The following ANGPT1 variants were observed in gnomAD, a reference collection of about 807,000 sequenced individuals.
The protein encoded by ANGPT1 is angiopoietin 1, also known as angiopoietin-1.
ANGPT1 carries 17 observed loss-of-function variants against 62.2 expected under a neutral mutation model. That is an observed-to-expected ratio of 0.27 (90% CI 0.19 to 0.41). The LOEUF is 0.41. ANGPT1 is among the 10% of genes least tolerant of loss of function. The probability of loss-of-function intolerance (pLI) is 1.00; values close to 1 mark genes in which losing one functional copy is unlikely to be tolerated. For synonymous variants in ANGPT1, 199 were observed against 198.9 expected (o/e 1.00, Z 0.00); for missense variants, 478 against 594.9 (o/e 0.80, Z 2.04).
rs145857720 is a variant in ANGPT1, at chr8:107,306,591, G to T, written c.809-3224C>A. Among the ~76,000 whole-genome samples, 336 of 152,222 alleles carry T rather than the reference G, an allele frequency of 2.2e-3. 1 individual carries two copies. Among genetic ancestry groups the T allele is most frequent in the East Asian group, 4.6e-3 (24 of 5,182 alleles). ...AGATATTATAAAACTGGACACCTAGGAAACATTCTAAAACCTAGAGAGACA... is the reference window on the plus strand; with the variant it reads ...AGATATTATAAAACTGGACACCTAGTAAACATTCTAAAACCTAGAGAGACA... On this transcript the variant is annotated intron_variant, in intron 4 of 8. Coordinates refer to ENST00000517746, the MANE Select transcript of ANGPT1 (RefSeq NM_001146.5).
At chr8:107,299,260 T>C (rs905347812) in intron 5 of ANGPT1, among the ~76,000 whole-genome samples, 5 of 151,042 alleles carry the variant, frequency 3.3e-5, no homozygotes, top group Middle Eastern at 3.4e-3. Context: ...TATCCTAGAA[T>C]TAGATTCCTT....
rs190299639 is a variant in ANGPT1 at position 107,470,169 on chromosome 8, A to G, written c.297+27093T>C. ...TATTTTGTTTTACAATAAATATTCA[A>G]TAAAATGATATAGTTCTGATTTCTT... On this transcript the variant is annotated intron_variant, in intron 1 of 8. Coordinates refer to ENST00000517746, the MANE Select transcript of ANGPT1 (RefSeq NM_001146.5). 4.7e-4 allele frequency among the ~76,000 whole-genome samples: 71 copies of G among 152,242 alleles called. 1 individual carries two copies. The highest frequency in any genetic ancestry group is 1.5e-3 in the African/African-American group (64 of 41,574).
chr8:107,382,146 T>A (rs1265704409), intron 1 of ANGPT1, among the ~76,000 whole-genome samples: 1 of 152,130 alleles, frequency 6.6e-6, no homozygotes, highest in Non-Finnish European at 1.5e-5. Flanking sequence ...ATTTAATATT[T>A]CAGATAGAAT....
chr8:107,321,565 T>C (rs914342476), intron 4 of ANGPT1, among the ~76,000 whole-genome samples: 39 of 152,182 alleles, frequency 2.6e-4, no homozygotes, highest in African/African-American at 8.7e-4. Context: ...ATCTCTGTCC[T>C]ATATATAGTT....
intron 1 of ANGPT1, among the ~76,000 whole-genome samples, chr8:107,353,778 G>A (rs1484179146): frequency 6.6e-6 from 1 of 152,182 alleles, no homozygotes; most frequent in African/African-American, 2.4e-5. Flanking sequence ...GGTACAAAGA[G>A]TTGAGTCTAG....
intron 3 of ANGPT1, among the ~76,000 whole-genome samples, chr8:107,332,723 G>T (rs1179719340): frequency 1.3e-5 from 2 of 152,114 alleles, no homozygotes; most frequent in Non-Finnish European, 2.9e-5. Flanking sequence ...CTCAAACCTG[G>T]TAAGTCCCAC....
At chr8:107,273,543 C>T (rs915641342) in intron 7 of ANGPT1, among the ~76,000 whole-genome samples, 1 of 151,976 alleles carries the variant, frequency 6.6e-6, no homozygotes, top group African/African-American at 2.4e-5. Flanking sequence ...AAGATGTCCT[C>T]TAAATACTTG....
At chr8:107,466,420 A>T (rs1812199687) in intron 1 of ANGPT1, among the ~76,000 whole-genome samples, 2 of 152,030 alleles carry the variant, frequency 1.3e-5, no homozygotes, top group Non-Finnish European at 2.9e-5. Context: ...TGGTTTTCCA[A>T]CTAAAGTGGG....
chr8:107,283,133 G>T lies in ANGPT1; in HGVS notation c.1205+1549C>A, dbSNP rs537753325. On this transcript the variant is annotated intron_variant, in intron 7 of 8. Transcript: ENST00000517746. Reference sequence around the variant, plus strand: ...AATTATTTGCTAGTCCTATTGTCAGGCTGTCTGACATTAGCCAAGTTTCAT... The same window carrying T: ...AATTATTTGCTAGTCCTATTGTCAGTCTGTCTGACATTAGCCAAGTTTCAT... 3.3e-5 allele frequency among the ~76,000 whole-genome samples: 5 copies of T among 152,222 alleles called. No individual in the cohort carries two copies. The South Asian group carries it at 1.0e-3, about 32-fold the overall frequency.
At chr8:107,257,878 TTC>T (rs1467732998) in intron 8 of ANGPT1, among the ~76,000 whole-genome samples, 20 of 85,650 alleles carry the variant, frequency 2.3e-4, no homozygotes, top group African/African-American at 6.2e-4. Flanking sequence ...TTGTTTTTGT[TTC>T]TTTTTTGTTT....
chr8:107,270,307 G>A (rs76329889), intron 7 of ANGPT1, among the ~76,000 whole-genome samples: 16 of 152,132 alleles, frequency 1.1e-4, no homozygotes, highest in Admixed American at 5.9e-4. Flanking sequence ...AGACAGACTC[G>A]CAGATATCTG....
intron 1 of ANGPT1, among the ~76,000 whole-genome samples, chr8:107,381,278 A>C (rs1563596603): frequency 6.6e-6 from 1 of 152,152 alleles, no homozygotes; most frequent in Non-Finnish European, 1.5e-5. Flanking sequence ...AAAGGGGAAA[A>C]ACTTGAATCC....
At chr8:107,296,582 T>C (rs1331784414) in intron 5 of ANGPT1, among the ~76,000 whole-genome samples, 1 of 151,980 alleles carries the variant, frequency 6.6e-6, no homozygotes, top group Non-Finnish European at 1.5e-5. Flanking sequence ...CAAGAGGGCA[T>C]AGGTGGTGAT....
Position 107,279,467 on chromosome 8 carries a change from A to T in ANGPT1, c.1205+5215T>A, listed in dbSNP as rs533205883. Among the ~76,000 whole-genome samples the T allele has an allele frequency of 2.0e-5, 3 of 152,300 alleles. No individual in the cohort carries two copies. In the East Asian group the frequency reaches 5.8e-4, roughly 29 times the overall value. On this transcript the variant is annotated intron_variant, in intron 7 of 8. Coordinates refer to ENST00000517746, the MANE Select transcript of ANGPT1 (RefSeq NM_001146.5). ...TTTATTTAATTCTAGAAATTAACTG[A>T]TGAACTTCTTTATTTGAGGATGCCC...
intron 4 of ANGPT1, among the ~76,000 whole-genome samples, chr8:107,307,071 G>T (rs1301096910): frequency 6.6e-6 from 1 of 152,016 alleles, no homozygotes; most frequent in Non-Finnish European, 1.5e-5. Context: ...TGATCTTTAT[G>T]TCTAAAATTC....
At chr8:107,265,338 G>T (rs187900517) in intron 7 of ANGPT1, among the ~76,000 whole-genome samples, 2 of 152,212 alleles carry the variant, frequency 1.3e-5, no homozygotes, top group Admixed American at 6.5e-5. Context: ...AGAACTAGTG[G>T]GCAAATCACA....
At chr8:107,454,809 C>T (rs1186394920) in intron 1 of ANGPT1, among the ~76,000 whole-genome samples, 1 of 151,988 alleles carries the variant, frequency 6.6e-6, no homozygotes. Flanking sequence ...TATACATATA[C>T]CTACTCCAGT....
intron 5 of ANGPT1, among the ~76,000 whole-genome samples, chr8:107,296,302 T>C (rs1814414901): frequency 6.6e-6 from 1 of 151,974 alleles, no homozygotes; most frequent in Non-Finnish European, 1.5e-5. Context: ...CCCCAGTACC[T>C]AGAGGTGTGC....
At chr8:107,397,273 G>T in intron 1 of ANGPT1, among the ~76,000 whole-genome samples, 1 of 152,074 alleles carries the variant, frequency 6.6e-6, no homozygotes, top group East Asian at 1.9e-4. Flanking sequence ...TGTCCCCAAG[G>T]CCAATGTGCC....
Sources: gnomAD v4.1 joint callset for allele counts (sites outside exome capture counted in the v4.1 genomes callset) on GRCh38, gnomAD v4.1.1 for gene constraint, MANE v1.5 for transcripts, NCBI Gene and HGNC (gene_info 2026-07-23, HGNC 2026-07-21) for gene names.